RAB11FIP2: variants seen among roughly 807,000 people sequenced by gnomAD.
RAB11FIP2 encodes the protein rab11 family-interacting protein 2.
In RAB11FIP2, 16 loss-of-function variants were observed where a neutral mutation model predicts 40.9. The observed-to-expected ratio is 0.39, with a 90% CI of 0.26 to 0.59. The LOEUF (loss-of-function observed/expected upper bound fraction) is 0.59, where lower values mean the gene tolerates loss of function less well. Among genes scored for constraint, RAB11FIP2 ranks in the 20% least tolerant of loss-of-function variants. The probability of loss-of-function intolerance (pLI) is 0.53; values close to 1 mark genes in which losing one functional copy is unlikely to be tolerated. For missense variants in RAB11FIP2, 532 were observed against 606.2 expected (o/e 0.88, Z 1.28); for synonymous variants, 228 against 213.7 (o/e 1.07, Z -0.58).
intron 4 of RAB11FIP2, among the ~76,000 whole-genome samples, chr10:118,014,447 A>G (rs1846192273): frequency 1.3e-5 from 2 of 152,196 alleles, no homozygotes; most frequent in Admixed American, 1.3e-4. Context: ...AACTCTGAAC[A>G]GAGATTAAAT....
rs1305110597 is a variant in RAB11FIP2, at chr10:118,007,632, T to C, written c.*1366A>G. 1 of 152,078 alleles carries C rather than the reference T, an allele frequency of 6.6e-6. No homozygotes were observed. The highest frequency in any genetic ancestry group is 1.5e-5 in the Non-Finnish European group (1 of 67,974). The allele number at this position is 152,078 out of a possible 1,614,324, so 9.4% of individuals were successfully genotyped here. A position where few individuals can be genotyped will look rare whatever the true frequency, so the allele number is the denominator to read the frequency against. On this transcript the variant is annotated 3_prime_UTR_variant, in exon 5 of 5. Transcript: ENST00000355624. ...TAGATACTCTCAGTGTTTTATAGTA[T>C]TTCAGACTTTAAAGGCTGAAAAATA... is the stretch of plus-strand genomic sequence containing the variant.
At position 118,007,717 on chromosome 10, in the gene RAB11FIP2, T is replaced by C. The variant is rs1281099506; in HGVS notation, c.*1281A>G. 6.6e-6 allele frequency: 1 copy of C among 151,988 alleles called. No individual in the cohort carries two copies. Among genetic ancestry groups the C allele is most frequent in the Non-Finnish European group, 1.5e-5 (1 of 67,942 alleles). 9.4% of individuals were successfully genotyped at this position (151,988 alleles called of 1,614,324 possible). On this transcript the variant is annotated 3_prime_UTR_variant, in exon 5 of 5. Transcript: ENST00000355624. ...TGTCAATTTAAATTTCAGAAAAAAT[T>C]TGTACAAATCATATAAAAATAATCC...
intron 3 of RAB11FIP2, 140 bp downstream of exon 3, chr10:118,038,832 A>G (rs1004768826): frequency 2.8e-5 from 19 of 671,894 alleles, no homozygotes; most frequent in Non-Finnish European, 4.2e-5. Context: ...GCCTGGCTCT[A>G]TAATTTAATT....
rs189283042 is a variant in RAB11FIP2, at chr10:118,008,050, T to G, written c.*948A>C. 1 of 152,678 alleles carries G rather than the reference T, an allele frequency of 6.5e-6. No individual in the cohort carries two copies. 9.5% of individuals were successfully genotyped at this position (152,678 alleles called of 1,614,324 possible). ...CCACAATTATTTTCAGATATAACTT[T>G]ATAATATTTGCTTTGCTAGTGATTT... is the stretch of plus-strand genomic sequence containing the variant. On this transcript the variant is annotated 3_prime_UTR_variant, in exon 5 of 5. Coordinates refer to ENST00000355624, the MANE Select transcript of RAB11FIP2 (RefSeq NM_014904.3).
chr10:118,015,531 A>C (rs1846209394), intron 3 of RAB11FIP2, among the ~76,000 whole-genome samples: 1 of 152,212 alleles, frequency 6.6e-6, no homozygotes, highest in Non-Finnish European at 1.5e-5. Flanking sequence ...AAAAGAGTTA[A>C]AGCAATCTGT....
chr10:118,034,797 CTACT>C (rs1846460973), intron 3 of RAB11FIP2, among the ~76,000 whole-genome samples: 1 of 152,144 alleles, frequency 6.6e-6, no homozygotes, highest in African/African-American at 2.4e-5. Flanking sequence ...AACTCCAACA[CTACT>C]TACTGTATAT....
rs1319600788 is a variant in RAB11FIP2 at position 118,006,185 on chromosome 10, TATG to T, written c.*2810_*2812del. 1 of 152,606 alleles carries T rather than the reference TATG, an allele frequency of 6.6e-6. No homozygotes were observed. The highest frequency in any genetic ancestry group is 2.4e-5 in the African/African-American group (1 of 41,458). 9.5% of individuals were successfully genotyped at this position (152,606 alleles called of 1,614,324 possible). Reference sequence around the variant, plus strand: ...ACTTGAAGCGTAAGTGGTAGGAAGGTATGTTCAATATTTTTAAAGCTGAATTTT... The same window carrying T: ...ACTTGAAGCGTAAGTGGTAGGAAGGTTTCAATATTTTTAAAGCTGAATTTT... On this transcript the variant is annotated 3_prime_UTR_variant, in exon 5 of 5. Coordinates refer to ENST00000355624, the MANE Select transcript of RAB11FIP2 (RefSeq NM_014904.3).
rs774506108 is a variant in RAB11FIP2, at chr10:118,038,987, A to G, written c.1250T>C (p.Ile417Thr). 9 of 1,593,292 alleles carry G rather than the reference A, an allele frequency of 5.6e-6. No homozygotes were observed. Among genetic ancestry groups the G allele is most frequent in the Non-Finnish European group, 7.7e-6 (9 of 1,171,372 alleles). The stretch of plus-strand genomic sequence containing the variant: ...TTAAGCTTACCTTGAAGATGGCATT[A>G]TATTTGAAGCCCTGAATTTTGCTGT... ...PFTAKFRASN[I>T]MPSSSFHMSP... is the part of the protein sequence containing the mutation. The change falls in exon 3 of 5, where the codon ATA (isoleucine) becomes ACA (threonine). Residue 417 changes from isoleucine (I) to threonine (T), a missense_variant. Transcript: ENST00000355624.
intron 1 of RAB11FIP2, among the ~76,000 whole-genome samples, chr10:118,040,892 G>A (rs549581271): frequency 6.6e-6 from 1 of 152,124 alleles, no homozygotes; most frequent in South Asian, 2.1e-4. Context: ...TTCCATATGG[G>A]ATTAAGTGTT....
intron 3 of RAB11FIP2, among the ~76,000 whole-genome samples, chr10:118,016,367 T>C (rs916274429): frequency 2.0e-5 from 3 of 152,202 alleles, no homozygotes; most frequent in African/African-American, 7.2e-5. Context: ...TTAACATCTT[T>C]ATGGTATTCT....
chr10:118,017,073 T>C (rs768314063), intron 3 of RAB11FIP2, among the ~76,000 whole-genome samples: 6 of 152,220 alleles, frequency 3.9e-5, no homozygotes. Flanking sequence ...TACGGCCCAG[T>C]ATCTTCCACA....
Position 118,005,777 on chromosome 10 carries a change from T to C in RAB11FIP2, c.*3221A>G. 6.6e-6 allele frequency: 1 copy of C among 152,422 alleles called. No individual in the cohort carries two copies. Among genetic ancestry groups the C allele is most frequent in the African/African-American group, 2.4e-5 (1 of 41,454 alleles). The allele number at this position is 152,422 out of a possible 1,614,324, so 9.4% of individuals were successfully genotyped here. A position where few individuals can be genotyped will look rare whatever the true frequency, so the allele number is the denominator to read the frequency against. On this transcript the variant is annotated 3_prime_UTR_variant, in exon 5 of 5. Transcript: ENST00000355624. ...TTTGTTTTTTTTTTTAGATTCTCTT[T>C]GTTAAAGAATAAGCACCCTTCCGGG...
chr10:118,045,888 C>T lies in RAB11FIP2; in HGVS notation c.276G>A (p.Val92=), dbSNP rs1045461342. 1 of 1,614,038 alleles carries T rather than the reference C, an allele frequency of 6.2e-7. No homozygotes were observed. The highest frequency in any genetic ancestry group is 1.3e-5 in the African/African-American group (1 of 74,904). The change falls in exon 1 of 5, where the codon GTG becomes GTA. Residue 92 remains valine, a synonymous_variant. Coordinates refer to ENST00000355624, the MANE Select transcript of RAB11FIP2 (RefSeq NM_014904.3). ...CCTGCCCTAAAAATTTATCCAGACC[C>T]ACCAGGGACCTGTGCATAACTATAA... ...LFLIVMHRSL[V]GLDKFLGQVA... is the part of the protein sequence containing the mutation.
chr10:118,025,521 C>T (rs925667411), intron 3 of RAB11FIP2, among the ~76,000 whole-genome samples: 4 of 152,196 alleles, frequency 2.6e-5, no homozygotes, highest in Non-Finnish European at 5.9e-5. Flanking sequence ...GCACCTCTTC[C>T]GATTCCGGCA....
chr10:118,037,136 A>G (rs895733689), intron 3 of RAB11FIP2, among the ~76,000 whole-genome samples: 10 of 152,182 alleles, frequency 6.6e-5, no homozygotes, highest in Admixed American at 3.9e-4. Context: ...AGAAGCAAAT[A>G]TATTTCTATT....
rs1385834166 is a variant in RAB11FIP2 at position 118,046,301 on chromosome 10, G to A, written c.-138C>T. 1.3e-6 allele frequency: 1 copy of A among 766,618 alleles called. No individual in the cohort carries two copies. The highest frequency in any genetic ancestry group is 2.1e-6 in the Non-Finnish European group (1 of 473,058). 47.5% of individuals were successfully genotyped at this position (766,618 alleles called of 1,614,324 possible). On this transcript the variant is annotated 5_prime_UTR_variant, in exon 1 of 5. Transcript: ENST00000355624. ...GCTCAGGGCTCCCCGACTTCCCTAT[G>A]GCTGATGTCAAAACGCCTCGCGGGG...
intron 3 of RAB11FIP2, among the ~76,000 whole-genome samples, chr10:118,023,544 G>T (rs1002809249): frequency 2.0e-5 from 3 of 152,112 alleles, no homozygotes; most frequent in African/African-American, 7.2e-5. Context: ...TGTCTATGGG[G>T]ATTAACAGTA....
intron 3 of RAB11FIP2, among the ~76,000 whole-genome samples, chr10:118,036,881 G>A (rs892312657): frequency 4.6e-5 from 7 of 151,892 alleles, no homozygotes; most frequent in Non-Finnish European, 1.0e-4. Context: ...AATGCCACAG[G>A]CACTTTTAAA....
rs951346138 is a variant in RAB11FIP2 at position 118,007,497 on chromosome 10, T to C, written c.*1501A>G. The C allele has an allele frequency of 2.7e-5, 4 of 150,582 alleles. No homozygotes were observed. The highest frequency in any genetic ancestry group is 9.7e-5 in the African/African-American group (4 of 41,062). 9.3% of individuals were successfully genotyped at this position (150,582 alleles called of 1,614,324 possible). A position where few individuals can be genotyped will look rare whatever the true frequency, so the allele number is the denominator to read the frequency against. On this transcript the variant is annotated 3_prime_UTR_variant, in exon 5 of 5. Transcript: ENST00000355624. Reference sequence around the variant, plus strand: ...TATCGGCTTTTTGTTTAACTTTCAATGGAGTCTTAACAGAGATAAGTATTA... The same window carrying C: ...TATCGGCTTTTTGTTTAACTTTCAACGGAGTCTTAACAGAGATAAGTATTA...
Sources: gnomAD v4.1 joint callset for allele counts (sites outside exome capture counted in the v4.1 genomes callset) on GRCh38, gnomAD v4.1.1 for gene constraint, MANE v1.5 for transcripts, NCBI Gene and HGNC (gene_info 2026-07-23, HGNC 2026-07-21) for gene names.